MDGA2: variants seen among roughly 807,000 people sequenced by gnomAD.
MDGA2 encodes MAM domain-containing glycosylphosphatidylinositol anchor protein 2.
In MDGA2, 40 loss-of-function variants were observed where a neutral mutation model predicts 117.8. That is an observed-to-expected ratio of 0.34 (90% confidence interval 0.26 to 0.44). The LOEUF is 0.44. MDGA2 is among the 20% of genes least tolerant of loss of function. The probability of loss-of-function intolerance (pLI) is 1.00; values close to 1 mark genes in which losing one functional copy is unlikely to be tolerated. For missense variants in MDGA2, 1,123 were observed against 1,250.6 expected (o/e 0.90, Z 1.54); for synonymous variants, 452 against 439.0 (o/e 1.03, Z -0.37).
intron 1 of MDGA2, among the ~76,000 whole-genome samples, chr14:47,446,328 T>G (rs960160707): frequency 6.6e-6 from 1 of 152,034 alleles, no homozygotes; most frequent in South Asian, 2.1e-4. Flanking sequence ...GAAATCTGAG[T>G]GGAAGATTAC....
chr14:47,636,784 CAAAAAAAAAA>C (rs56313968), intron 1 of MDGA2, among the ~76,000 whole-genome samples: 17 of 46,004 alleles, frequency 3.7e-4, no homozygotes, highest in East Asian at 1.6e-3. Flanking sequence ...GACTCCGTCT[CAAAAAAAAAA>C]AAAAAAAAAA....
At chr14:47,617,030 C>T (rs1378641262) in intron 1 of MDGA2, among the ~76,000 whole-genome samples, 1 of 152,100 alleles carries the variant, frequency 6.6e-6, no homozygotes, top group African/African-American at 2.4e-5. Flanking sequence ...TTCTACCGGA[C>T]AGCAATGATT....
chr14:46,958,873 T>C (rs1017598445), intron 8 of MDGA2, among the ~76,000 whole-genome samples: 21 of 152,340 alleles, frequency 1.4e-4, no homozygotes, highest in African/African-American at 4.8e-4. Context: ...CAATATATAA[T>C]AGATTTCTGT....
At chr14:47,553,767 G>A (rs1006285997) in intron 1 of MDGA2, among the ~76,000 whole-genome samples, 14 of 151,880 alleles carry the variant, frequency 9.2e-5, no homozygotes, top group African/African-American at 3.4e-4. Context: ...TGGCATAAAA[G>A]TATATATGTT....
chr14:47,385,173 T>G (rs954726567), intron 1 of MDGA2, among the ~76,000 whole-genome samples: 1 of 152,102 alleles, frequency 6.6e-6, no homozygotes, highest in Non-Finnish European at 1.5e-5. Context: ...ATGTCTAAAA[T>G]GTTTTCATTT....
At chr14:47,590,713 T>C (rs955108343) in intron 1 of MDGA2, among the ~76,000 whole-genome samples, 2 of 151,994 alleles carry the variant, frequency 1.3e-5, no homozygotes, top group Admixed American at 6.6e-5. Context: ...TGATGGCTGA[T>C]GTGATTATTG....
At chr14:46,882,307 T>G in intron 10 of MDGA2, 86 bp from the exon 11 acceptor site, 1 of 1,218,012 alleles carries the variant, frequency 8.2e-7, no homozygotes, top group South Asian at 1.5e-5. Context: ...TGAAATTTTA[T>G]TAAATCAAAA....
In MDGA2 at chr14:47,439,809, C is replaced by T. The variant is rs563677733; in HGVS notation, c.281-138259G>A. Reference sequence around the variant, plus strand: ...CTAAGAGTGGGCCAGGACAGTTATTCACTAAGGGAGTGTGTGTGTGTGTGT... The same window carrying T: ...CTAAGAGTGGGCCAGGACAGTTATTTACTAAGGGAGTGTGTGTGTGTGTGT... On this transcript the variant is annotated intron_variant, in intron 1 of 16. Transcript: ENST00000399232. Among the ~76,000 whole-genome samples, 5 of 98,082 alleles carry T rather than the reference C, an allele frequency of 5.1e-5. No individual in the cohort carries two copies. In the East Asian group the frequency reaches 1.5e-3, roughly 30 times the overall value. 64.3% of individuals were successfully genotyped at this position (98,082 alleles called of 152,430 possible).
chr14:47,357,301 T>TG (rs952883723), intron 1 of MDGA2, among the ~76,000 whole-genome samples: 2 of 152,164 alleles, frequency 1.3e-5, no homozygotes, highest in Non-Finnish European at 2.9e-5. Context: ...GGCTGCCCCT[T>TG]GGGGGGTTTG....
intron 1 of MDGA2, among the ~76,000 whole-genome samples, chr14:47,435,132 T>C (rs1404784986): frequency 6.6e-6 from 1 of 152,110 alleles, no homozygotes; most frequent in Non-Finnish European, 1.5e-5. Flanking sequence ...CAAGACTCCA[T>C]CTCAAAAACA....
At chr14:47,488,599 G>A (rs1894106448) in intron 1 of MDGA2, among the ~76,000 whole-genome samples, 2 of 152,104 alleles carry the variant, frequency 1.3e-5, no homozygotes, top group South Asian at 4.1e-4. Context: ...AGGAATGGAT[G>A]AAGAAACACC....
In MDGA2 at chr14:46,841,713, G is replaced by T; in HGVS notation, c.*218C>A. ...CACCTGAAGGTCTCTTCTCTACTCA[G>T]GTCAAGATTATCTTTTATGTTTAGT... On this transcript the variant is annotated 3_prime_UTR_variant, in exon 17 of 17. Transcript: ENST00000399232. 3.0e-6 allele frequency: 1 copy of T among 334,154 alleles called. No homozygotes were observed. Among genetic ancestry groups the T allele is most frequent in the Non-Finnish European group, 5.4e-6 (1 of 185,630 alleles). The allele number at this position is 334,154 out of a possible 1,614,324, so 20.7% of individuals were successfully genotyped here.
intron 8 of MDGA2, among the ~76,000 whole-genome samples, chr14:46,990,908 T>A (rs955692695): frequency 7.1e-5 from 10 of 140,626 alleles, no homozygotes; most frequent in African/African-American, 2.6e-4. Flanking sequence ...ACACCCCGCG[T>A]AAGACACAGC....
chr14:47,446,276 TA>T (rs1893119936), intron 1 of MDGA2, among the ~76,000 whole-genome samples: 1 of 152,176 alleles, frequency 6.6e-6, no homozygotes, highest in Non-Finnish European at 1.5e-5. Flanking sequence ...GGGAAAATGT[TA>T]TATTCATACA....
At chr14:47,483,775 G>A (rs906609102) in intron 1 of MDGA2, among the ~76,000 whole-genome samples, 4 of 152,156 alleles carry the variant, frequency 2.6e-5, no homozygotes, top group African/African-American at 9.7e-5. Flanking sequence ...GCAGTGAGTG[G>A]TTGGCATCTA....
At chr14:47,179,776 A>G (rs1884624884) in intron 3 of MDGA2, among the ~76,000 whole-genome samples, 1 of 152,100 alleles carries the variant, frequency 6.6e-6, no homozygotes, top group Admixed American at 6.6e-5. Flanking sequence ...ATTTCTTCTC[A>G]CCAAAATATT....
At chr14:47,398,392 G>A (rs1892061878) in intron 1 of MDGA2, among the ~76,000 whole-genome samples, 1 of 152,128 alleles carries the variant, frequency 6.6e-6, no homozygotes, top group South Asian at 2.1e-4. Context: ...ACTTTTGCCT[G>A]TGAGAGTTTA....
intron 1 of MDGA2, among the ~76,000 whole-genome samples, chr14:47,594,867 T>C (rs1451696662): frequency 2.6e-5 from 4 of 152,274 alleles, no homozygotes; most frequent in African/African-American, 9.6e-5. Flanking sequence ...TGTAGCACAA[T>C]GGGTAAGAAA....
chr14:47,136,369 A>C (rs1389148933), intron 4 of MDGA2, among the ~76,000 whole-genome samples: 18 of 151,558 alleles, frequency 1.2e-4, no homozygotes, highest in African/African-American at 4.1e-4. Flanking sequence ...GATAATTTTT[A>C]TATTTTTAGT....
Sources: gnomAD v4.1 joint callset for allele counts (sites outside exome capture counted in the v4.1 genomes callset) on GRCh38, gnomAD v4.1.1 for gene constraint, MANE v1.5 for transcripts, NCBI Gene and HGNC (gene_info 2026-07-23, HGNC 2026-07-21) for gene names.